The following TIAM2 variants were observed in gnomAD, a reference collection of about 807,000 sequenced individuals.
TIAM2 encodes TIAM Rac1 associated GEF 2, also known as rho guanine nucleotide exchange factor TIAM2.
Under a neutral mutation model 152.9 loss-of-function variants are expected in TIAM2, and 80 were observed. That is an observed-to-expected ratio of 0.52 (90% CI 0.44 to 0.63). TIAM2 has a LOEUF of 0.63. Ranked by LOEUF, TIAM2 falls within the 30% of genes least tolerant of loss-of-function variation. TIAM2 has a pLI of 0.00. For missense variants in TIAM2, 1,965 were observed against 2,120.1 expected (o/e 0.93, Z 1.44); for synonymous variants, 804 against 838.0 (o/e 0.96, Z 0.70).
intron 14 of TIAM2, among the ~76,000 whole-genome samples, chr6:155,203,048 C>CAAAAAAAAAAAAAAAAAAA (rs59836931): frequency 1.0e-4 from 8 of 78,874 alleles, no homozygotes; most frequent in African/African-American, 4.7e-4. Context: ...AACTCTGTCT[C>CAAAAAAAAAAAAAAAAAAA]AAAAAAAAAA....
chr6:155,053,466 CTT>C (rs11401916), intron 1 of TIAM2, among the ~76,000 whole-genome samples: 4 of 127,294 alleles, frequency 3.1e-5, no homozygotes, highest in Non-Finnish European at 6.4e-5. Flanking sequence ...ATTCTTGCAG[CTT>C]TTTTTTTTTT....
intron 1 of TIAM2, among the ~76,000 whole-genome samples, chr6:155,039,653 G>A (rs1776985281): frequency 6.7e-6 from 1 of 148,214 alleles, no homozygotes; most frequent in Non-Finnish European, 1.5e-5. Context: ...GTTGGTGGGG[G>A]GGCTCTTAAA....
chr6:155,238,878 T>C (rs1292695152), intron 15 of TIAM2, among the ~76,000 whole-genome samples: 2 of 152,196 alleles, frequency 1.3e-5, no homozygotes, highest in Non-Finnish European at 2.9e-5. Context: ...GACCACTGAA[T>C]TGAACTGAAA....
rs377528831 is a variant in TIAM2 at position 155,130,205 on chromosome 6, A to G, written c.982A>G (p.Ser328Gly). The G allele has an allele frequency of 1.1e-4, 175 of 1,614,048 alleles. No individual in the cohort carries two copies. Among genetic ancestry groups the G allele is most frequent in the Non-Finnish European group, 1.5e-4 (172 of 1,180,028 alleles). The change falls in exon 4 of 27, where the codon AGC becomes GGC. Residue 328 changes from serine to glycine, a missense_variant. This residue lies in a region of TIAM2 where 1,025 missense variants were observed against 1,119.4 expected (regional missense o/e 0.92). Coordinates refer to ENST00000682666, the MANE Select transcript of TIAM2 (RefSeq NM_012454.4). ...LSDEYMGTHA[S>G]LSNRVSFASD... is the part of the protein sequence containing the mutation. ...TGATGAATACATGGGCACGCATGCC[A>G]GCCTGAGCAACCGTGTCTCTTTTGC... is the stretch of plus-strand genomic sequence containing the variant.
intron 1 of TIAM2, among the ~76,000 whole-genome samples, chr6:155,047,903 G>T (rs961620290): frequency 6.6e-5 from 10 of 152,066 alleles, no homozygotes; most frequent in Admixed American, 4.6e-4. Context: ...GGTCCTGTAG[G>T]GCTGAATGGT....
intron 25 of TIAM2, 126 bp downstream of exon 25, chr6:155,254,186 A>G: frequency 8.9e-7 from 1 of 1,129,472 alleles, no homozygotes; most frequent in Non-Finnish European, 1.3e-6. Flanking sequence ...ACCCTCCGAA[A>G]AAGGCAACTG....
intron 2 of TIAM2, among the ~76,000 whole-genome samples, chr6:155,114,036 A>AT (rs869241399): frequency 0.092 from 3,228 of 35,048 alleles, 181 homozygotes; most frequent in Non-Finnish European, 0.13. Flanking sequence ...ATATATATAT[A>AT]TTTTTTTTTT....
At chr6:155,164,272 G>A in intron 7 of TIAM2, 143 bp from the exon 8 acceptor site, 1 of 664,538 alleles carries the variant, frequency 1.5e-6, no homozygotes, top group Non-Finnish European at 2.4e-6. Context: ...GATTGAGATG[G>A]GGTGAGCAGG....
chr6:155,130,428 C>T lies in TIAM2; in HGVS notation c.1194+11C>T. The T allele has an allele frequency of 6.2e-7, 1 of 1,606,772 alleles. No homozygotes were observed. The highest frequency in any genetic ancestry group is 2.2e-5 in the East Asian group (1 of 44,806). On this transcript the variant is annotated intron_variant, in intron 4 of 26. Transcript: ENST00000682666. ...AAAAGGAAACTCCAGGTGAGCATAC[C>T]TTAGAGCAGAGGGAAGGGTCCCCAC...
At chr6:155,238,295 C>T (rs532787681) in intron 15 of TIAM2, among the ~76,000 whole-genome samples, 5 of 152,358 alleles carry the variant, frequency 3.3e-5, no homozygotes, top group Admixed American at 2.6e-4. Context: ...TTATTCATTT[C>T]ACTATCAGCA....
At chr6:155,256,222 T>C in intron 26 of TIAM2, 1 of 584,176 alleles carries the variant, frequency 1.7e-6, no homozygotes, top group South Asian at 2.2e-5. Flanking sequence ...TGTAGTAGTT[T>C]CTAGTGTCTA....
At chr6:155,053,888 ACT>A (rs1777379288) in intron 1 of TIAM2, among the ~76,000 whole-genome samples, 1 of 152,176 alleles carries the variant, frequency 6.6e-6, no homozygotes, top group South Asian at 2.1e-4. Flanking sequence ...GCATTAAAAC[ACT>A]GTTAGGGTCA....
chr6:155,124,672 C>T (rs1583202947), intron 2 of TIAM2, among the ~76,000 whole-genome samples: 1 of 152,196 alleles, frequency 6.6e-6, no homozygotes, highest in East Asian at 1.9e-4. Context: ...TGGTCCAGCC[C>T]CATGTGTGAG....
intron 7 of TIAM2, 70 bp from the exon 8 acceptor site, chr6:155,164,345 G>T: frequency 7.1e-7 from 1 of 1,412,212 alleles, no homozygotes; most frequent in Admixed American, 2.1e-5. Flanking sequence ...TTGTGAAAGG[G>T]ATCACATTTT....
intron 14 of TIAM2, among the ~76,000 whole-genome samples, chr6:155,193,892 C>T (rs1781268338): frequency 6.6e-6 from 1 of 152,238 alleles, no homozygotes; most frequent in Non-Finnish European, 1.5e-5. Flanking sequence ...TTTGCACCAT[C>T]AGTGCACATG....
intron 1 of TIAM2, among the ~76,000 whole-genome samples, chr6:155,075,896 TCTTACA>T (rs1221645636): frequency 6.6e-6 from 1 of 152,236 alleles, no homozygotes; most frequent in East Asian, 1.9e-4. Flanking sequence ...GTGATCATTT[TCTTACA>T]CTTATTCATA....
intron 15 of TIAM2, among the ~76,000 whole-genome samples, chr6:155,217,369 C>T (rs548787118): frequency 1.3e-5 from 2 of 152,214 alleles, no homozygotes; most frequent in East Asian, 1.9e-4. Context: ...ACTTCATCTC[C>T]GAAATAGTTC....
intron 2 of TIAM2, among the ~76,000 whole-genome samples, chr6:155,093,306 C>T (rs1778343645): frequency 6.6e-6 from 1 of 152,184 alleles, no homozygotes; most frequent in Non-Finnish European, 1.5e-5. Context: ...CTTAATAATC[C>T]TGAGTGTCCT....
At chr6:155,072,975 T>C (rs1327719731) in intron 1 of TIAM2, among the ~76,000 whole-genome samples, 3 of 152,144 alleles carry the variant, frequency 2.0e-5, no homozygotes, top group African/African-American at 7.2e-5. Context: ...CTGTAGTCTA[T>C]AGTTAGCACA....
Sources: allele counts gnomAD v4.1 joint callset (sites outside exome capture counted in the v4.1 genomes callset), GRCh38; gene constraint gnomAD v4.1.1; regional missense constraint gnomAD v4.1.1; transcripts MANE v1.5; gene names NCBI Gene and HGNC (gene_info 2026-07-23, HGNC 2026-07-21).